PLXNA4: variants seen among roughly 807,000 people sequenced by gnomAD.
PLXNA4 encodes the protein plexin A4.
Under a neutral mutation model 191.8 loss-of-function variants are expected in PLXNA4, and 44 were observed. The ratio of observed to expected loss-of-function variants is 0.23; its 90% confidence interval spans 0.18 to 0.29. PLXNA4 has a LOEUF of 0.29. Ranked by LOEUF, PLXNA4 falls within the 10% of genes least tolerant of loss-of-function variation. The pLI is 1.00. For missense variants in PLXNA4, 1,800 were observed against 2,488.8 expected (o/e 0.72, Z 5.89); for synonymous variants, 1,082 against 1,009.5 (o/e 1.07, Z -1.36).
At chr7:132,307,350 G>T (rs573033307) in intron 3 of PLXNA4, among the ~76,000 whole-genome samples, 34 of 152,232 alleles carry the variant, frequency 2.2e-4, no homozygotes, top group Middle Eastern at 3.4e-3. Flanking sequence ...GTTCATTTAT[G>T]ATGGTTATTG....
chr7:132,156,672 C>T (rs1795808042), intron 25 of PLXNA4, among the ~76,000 whole-genome samples: 1 of 152,204 alleles, frequency 6.6e-6, no homozygotes, highest in African/African-American at 2.4e-5. Context: ...TGCCAATGTG[C>T]TATGCGTCCC....
At chr7:132,625,586 G>A (rs1803354303) in intron 2 of PLXNA4, among the ~76,000 whole-genome samples, 1 of 152,112 alleles carries the variant, frequency 6.6e-6, no homozygotes, top group South Asian at 2.1e-4. Context: ...GGAGTCCTAG[G>A]CAGTTACAGG....
At chr7:132,152,016 G>C (rs983801979) in intron 25 of PLXNA4, among the ~76,000 whole-genome samples, 1 of 152,028 alleles carries the variant, frequency 6.6e-6, no homozygotes, top group Non-Finnish European at 1.5e-5. Flanking sequence ...CCTTCTTCAG[G>C]CCAGTTATGG....
chr7:132,409,069 G>T (rs538732623), intron 3 of PLXNA4, among the ~76,000 whole-genome samples: 1 of 152,150 alleles, frequency 6.6e-6, no homozygotes. Flanking sequence ...GACTTGGATG[G>T]TCTTCTAGAA....
intron 1 of PLXNA4, among the ~76,000 whole-genome samples, chr7:132,555,849 G>C (rs368587285): frequency 3.7e-4 from 56 of 152,190 alleles, no homozygotes; most frequent in Admixed American, 7.2e-4. Flanking sequence ...CCTTGCATCA[G>C]AGTCTACACT....
At chr7:132,336,786 G>T (rs1802835902) in intron 3 of PLXNA4, among the ~76,000 whole-genome samples, 1 of 152,260 alleles carries the variant, frequency 6.6e-6, no homozygotes, top group Non-Finnish European at 1.5e-5. Flanking sequence ...TGAGCAACTG[G>T]TTGCTTTCTC....
At chr7:132,394,943 G>A (rs1793691432) in intron 3 of PLXNA4, among the ~76,000 whole-genome samples, 3 of 152,242 alleles carry the variant, frequency 2.0e-5, no homozygotes, top group Admixed American at 6.5e-5. Flanking sequence ...CAGCCCTGGG[G>A]ATTCTCAGCC....
intron 31 of PLXNA4, among the ~76,000 whole-genome samples, chr7:132,130,982 T>C (rs1279281792): frequency 2.6e-5 from 4 of 152,140 alleles, no homozygotes; most frequent in Admixed American, 6.5e-5. Flanking sequence ...CGGAATGTGA[T>C]TTCATGGATG....
intron 5 of PLXNA4, among the ~76,000 whole-genome samples, chr7:132,240,528 G>A (rs1798841558): frequency 6.6e-6 from 1 of 152,204 alleles, no homozygotes; most frequent in African/African-American, 2.4e-5. Flanking sequence ...TGGCAGCAGT[G>A]GGAGGGTCCT....
At chr7:132,318,661 C>CTTTTTTTTTT (rs56179808) in intron 3 of PLXNA4, among the ~76,000 whole-genome samples, 1 of 109,912 alleles carries the variant, frequency 9.1e-6, no homozygotes, top group Non-Finnish European at 1.8e-5. Context: ...ACGCACTTTG[C>CTTTTTTTTTT]TTTTTTTTTT....
At position 132,561,290 on chromosome 7, in the gene PLXNA4, CCTCCTT is replaced by C. The variant is rs1365582108; in HGVS notation, c.-87+15126_-87+15131del. ...ACTGGATGCCCCTCTTCCTCCTCCT[CCTCCTT>C]CTCCTCCTCTTTCTCCTTCTTCTCC... On this transcript the variant is annotated intron_variant, in intron 1 of 31. Transcript: ENST00000321063. 3.0e-4 allele frequency among the ~76,000 whole-genome samples: 45 copies of C among 151,626 alleles called. 1 individual carries two copies. Among genetic ancestry groups the C allele is most frequent in the African/African-American group, 1.0e-3 (42 of 41,210 alleles).
At chr7:132,574,898 T>C (rs568703632) in intron 1 of PLXNA4, among the ~76,000 whole-genome samples, 3 of 152,334 alleles carry the variant, frequency 2.0e-5, no homozygotes, top group East Asian at 3.9e-4. Flanking sequence ...TTCAAAAGAA[T>C]GTTTGCTCCT....
At chr7:132,376,450 C>T (rs1278724199) in intron 3 of PLXNA4, among the ~76,000 whole-genome samples, 1 of 152,206 alleles carries the variant, frequency 6.6e-6, no homozygotes, top group Admixed American at 6.5e-5. Context: ...TCTCCAAATA[C>T]CTTCCTTTAA....
intron 6 of PLXNA4, among the ~76,000 whole-genome samples, chr7:132,227,998 C>A (rs1798387300): frequency 6.6e-6 from 1 of 152,146 alleles, no homozygotes; most frequent in African/African-American, 2.4e-5. Flanking sequence ...GTCACCTGTG[C>A]CCCTTTCTCT....
intron 2 of PLXNA4, among the ~76,000 whole-genome samples, chr7:132,604,196 G>C (rs1322763126): frequency 6.6e-6 from 1 of 152,110 alleles, no homozygotes; most frequent in Admixed American, 6.5e-5. Flanking sequence ...CTTTCCCCAA[G>C]ATTCTGCACT....
intron 2 of PLXNA4, among the ~76,000 whole-genome samples, chr7:132,621,379 G>A (rs1244919412): frequency 6.6e-6 from 1 of 151,418 alleles, no homozygotes; most frequent in East Asian, 1.9e-4. Flanking sequence ...TCCTGCCTCA[G>A]CCTCCCAAGT....
chr7:132,547,684 A>G (rs973834291), intron 1 of PLXNA4, among the ~76,000 whole-genome samples: 2 of 152,160 alleles, frequency 1.3e-5, no homozygotes, highest in Admixed American at 1.3e-4. Context: ...CAGGCAAACC[A>G]GAACCACAGA....
chr7:132,621,083 T>C (rs1404606250), intron 2 of PLXNA4, among the ~76,000 whole-genome samples: 1 of 152,018 alleles, frequency 6.6e-6, no homozygotes, highest in African/African-American at 2.4e-5. Context: ...TACCAACAAA[T>C]ACCATCACAC....
rs368393618 is a variant in PLXNA4 at position 132,225,624 on chromosome 7, C to CG, written c.1982+536_1982+537insC. Among the ~76,000 whole-genome samples the CG allele has an allele frequency of 9.0e-3, 1,369 of 151,586 alleles. 10 individuals carry two copies. The highest frequency in any genetic ancestry group is 0.021 in the Middle Eastern group (6 of 292). ...CCCCTAAGCCAGAGTCCGCCCCCCC[C>CG]CACAGCTTTCTGCCTCCCTCTGGCC... On this transcript the variant is annotated intron_variant, in intron 8 of 31. Coordinates refer to ENST00000321063, the MANE Select transcript of PLXNA4 (RefSeq NM_020911.2).
Sources: allele counts gnomAD v4.1 joint callset (sites outside exome capture counted in the v4.1 genomes callset), GRCh38; gene constraint gnomAD v4.1.1; transcripts MANE v1.5; gene names NCBI Gene and HGNC (gene_info 2026-07-23, HGNC 2026-07-21).